CAMTA1: variants seen among roughly 807,000 people sequenced by gnomAD.
CAMTA1 encodes the protein calmodulin binding transcription activator 1, also known as calmodulin-binding transcription activator 1.
Under a neutral mutation model 170.9 loss-of-function variants are expected in CAMTA1, and 27 were observed. The observed-to-expected ratio is 0.16, with a 90% CI of 0.12 to 0.22. The LOEUF (loss-of-function observed/expected upper bound fraction) is 0.22, where lower values mean the gene tolerates loss of function less well. Ranked by LOEUF, CAMTA1 falls within the 10% of genes least tolerant of loss-of-function variation. CAMTA1 has a pLI of 1.00. For synonymous variants in CAMTA1, 833 were observed against 891.5 expected (o/e 0.93, Z 1.17); for missense variants, 1,619 against 2,217.2 (o/e 0.73, Z 5.42).
In CAMTA1 at chr1:7,528,839, AG is replaced by A. The variant is rs1222833534; in HGVS notation, c.510+60939del. Among the ~76,000 whole-genome samples, 254 of 110,056 alleles carry A rather than the reference AG, an allele frequency of 2.3e-3. 1 individual carries two copies. The highest frequency in any genetic ancestry group is 4.7e-3 in the Middle Eastern group (1 of 212). The allele number at this position is 110,056 out of a possible 152,430, so 72.2% of individuals were successfully genotyped here. ...AATGAATGAATGAATGAATGAATGA[AG>A]TGAGTGAATGAAGAATAATTATGCT... On this transcript the variant is annotated intron_variant, in intron 6 of 22. Coordinates refer to ENST00000303635, the MANE Select transcript of CAMTA1 (RefSeq NM_015215.4).
At chr1:7,307,360 A>AT (rs1574565700) in intron 5 of CAMTA1, among the ~76,000 whole-genome samples, 2 of 151,492 alleles carry the variant, frequency 1.3e-5, no homozygotes, top group East Asian at 3.9e-4. Flanking sequence ...ATTTCTTAGA[A>AT]TTTTTTGTGT....
At chr1:7,692,839 A>C (rs746656231) in intron 11 of CAMTA1, among the ~76,000 whole-genome samples, 14 of 152,150 alleles carry the variant, frequency 9.2e-5, no homozygotes, top group Non-Finnish European at 2.1e-4. Flanking sequence ...TTTACCCATC[A>C]ACCAGGCATC....
At chr1:7,613,664 G>T (rs1231129170) in intron 6 of CAMTA1, among the ~76,000 whole-genome samples, 1 of 151,928 alleles carries the variant, frequency 6.6e-6, no homozygotes, top group Non-Finnish European at 1.5e-5. Flanking sequence ...AGGAAAGCTC[G>T]TGATGAAGTG....
intron 4 of CAMTA1, among the ~76,000 whole-genome samples, chr1:7,127,904 C>T (rs890178998): frequency 9.2e-5 from 14 of 152,198 alleles, no homozygotes; most frequent in Non-Finnish European, 1.8e-4. Context: ...GATTGGTAAA[C>T]CGTTCTCTAT....
intron 5 of CAMTA1, among the ~76,000 whole-genome samples, chr1:7,281,843 G>A (rs189964852): frequency 7.6e-4 from 103 of 135,548 alleles, no homozygotes; most frequent in African/African-American, 2.7e-3. Flanking sequence ...GTGTGTGTGT[G>A]TATGATTAAT....
chr1:7,628,068 G>C (rs1326912239), intron 6 of CAMTA1, among the ~76,000 whole-genome samples: 1 of 152,198 alleles, frequency 6.6e-6, no homozygotes, highest in African/African-American at 2.4e-5. Context: ...AGATTTGGGG[G>C]CTGGAGTTGC....
intron 6 of CAMTA1, among the ~76,000 whole-genome samples, chr1:7,526,974 C>G (rs1490623314): frequency 6.6e-6 from 1 of 152,196 alleles, no homozygotes; most frequent in African/African-American, 2.4e-5. Context: ...GCCTTTCCAA[C>G]AGGGACTTTG....
rs1252583994 is a variant in CAMTA1, at chr1:7,634,759, A to G, written c.511-5641A>G. Among the ~76,000 whole-genome samples the G allele has an allele frequency of 2.6e-5, 4 of 152,138 alleles. No individual in the cohort carries two copies. Among genetic ancestry groups the G allele is most frequent in the African/African-American group, 9.7e-5 (4 of 41,424 alleles). ...GAGGCTTAACTCTGCTCACCCTCTC[A>G]GGAAGCACGTCAGGGCTTTTTTCTG... On this transcript the variant is annotated intron_variant, in intron 6 of 22. Coordinates refer to ENST00000303635, the MANE Select transcript of CAMTA1 (RefSeq NM_015215.4). The surrounding 1 kb of genome is among the most constrained non-coding windows in gnomAD (Gnocchi z 6.2).
In CAMTA1 at chr1:6,998,444, C is replaced by G. The variant is rs536671915; in HGVS notation, c.235-92860C>G. On this transcript the variant is annotated intron_variant, in intron 3 of 22. Transcript: ENST00000303635. The stretch of plus-strand genomic sequence containing the variant: ...CGTGCTCTCCGCACATGCCATGCCA[C>G]TCCCTCTGCGTCACATGTCCCTCTG... 4.6e-5 allele frequency among the ~76,000 whole-genome samples: 7 copies of G among 152,344 alleles called. No homozygotes were observed. The South Asian group carries it at 1.4e-3, about 32-fold the overall frequency.
At chr1:7,134,758 A>T (rs553031042) in intron 4 of CAMTA1, among the ~76,000 whole-genome samples, 11 of 152,190 alleles carry the variant, frequency 7.2e-5, no homozygotes, top group African/African-American at 2.7e-4. Flanking sequence ...ATGCAATTAT[A>T]TGTTCATGGG....
At chr1:7,390,065 G>C (rs2088517923) in intron 5 of CAMTA1, among the ~76,000 whole-genome samples, 1 of 152,150 alleles carries the variant, frequency 6.6e-6, no homozygotes, top group South Asian at 2.1e-4. Context: ...CCGCTTCCCT[G>C]CCGGACGGCT....
intron 3 of CAMTA1, among the ~76,000 whole-genome samples, chr1:6,882,432 T>C (rs1468095600): frequency 1.3e-5 from 2 of 152,094 alleles, no homozygotes; most frequent in African/African-American, 4.8e-5. Context: ...CAGGAAGAAA[T>C]GGTCATATAT....
At chr1:7,500,165 T>A (rs2093969823) in intron 6 of CAMTA1, among the ~76,000 whole-genome samples, 1 of 142,080 alleles carries the variant, frequency 7.0e-6, no homozygotes, top group African/African-American at 2.7e-5. Flanking sequence ...TGTGTGTACA[T>A]GAGTGAGTGT....
chr1:6,892,065 G>A (rs1674616675), intron 3 of CAMTA1, among the ~76,000 whole-genome samples: 1 of 152,210 alleles, frequency 6.6e-6, no homozygotes, highest in Non-Finnish European at 1.5e-5. Flanking sequence ...CTTTGAAACT[G>A]CTGTGGTTCC....
chr1:7,392,462 T>G (rs957801547), intron 5 of CAMTA1, among the ~76,000 whole-genome samples: 99 of 150,882 alleles, frequency 6.6e-4, no homozygotes, highest in African/African-American at 2.3e-3. Context: ...TCCATGTTGG[T>G]CAGGCTGGTC....
At chr1:7,035,751 G>A (rs999066752) in intron 3 of CAMTA1, among the ~76,000 whole-genome samples, 3 of 152,198 alleles carry the variant, frequency 2.0e-5, no homozygotes, top group Non-Finnish European at 4.4e-5. Flanking sequence ...AGACAGCCTT[G>A]TATCTGTGTA....
intron 4 of CAMTA1, among the ~76,000 whole-genome samples, chr1:7,212,960 T>C (rs12035586): frequency 0.48 from 73,741 of 152,108 alleles, 19,504 homozygotes; most frequent in South Asian, 0.6. Context: ...TTTTTATTGC[T>C]GAGTGATGTA....
chr1:7,290,561 T>C (rs1345784868), intron 5 of CAMTA1, among the ~76,000 whole-genome samples: 5 of 152,176 alleles, frequency 3.3e-5, no homozygotes, highest in Non-Finnish European at 7.3e-5. Flanking sequence ...TTCCAAATTA[T>C]GTGTTGCAAC....
At position 6,808,330 on chromosome 1, in the gene CAMTA1, C is replaced by T. The variant is rs116334607; in HGVS notation, c.46-11851C>T. On this transcript the variant is annotated intron_variant, in intron 1 of 22. Coordinates refer to ENST00000303635, the MANE Select transcript of CAMTA1 (RefSeq NM_015215.4). ...AGTTACTTCTCCAGCTTCCTCTCTA[C>T]AGTCACGTCACATTTTTTAGACTCT... is the stretch of plus-strand genomic sequence containing the variant. 4.3e-3 allele frequency among the ~76,000 whole-genome samples: 651 copies of T among 152,150 alleles called. 6 individuals carry two copies. The highest frequency in any genetic ancestry group is 0.014 in the African/African-American group (561 of 41,522).
Sources: allele counts gnomAD v4.1 joint callset (sites outside exome capture counted in the v4.1 genomes callset), GRCh38; gene constraint gnomAD v4.1.1; non-coding constraint Gnocchi (gnomAD v3.1); transcripts MANE v1.5; gene names NCBI Gene and HGNC (gene_info 2026-07-23, HGNC 2026-07-21).